The following CNTN1 variants were observed in gnomAD, a reference collection of about 807,000 sequenced individuals.
CNTN1 encodes the protein contactin-1.
In CNTN1, 38 loss-of-function variants were observed where a neutral mutation model predicts 126.4. The observed-to-expected ratio is 0.30, with a 90% CI of 0.23 to 0.39. The LOEUF (loss-of-function observed/expected upper bound fraction) is 0.39, where lower values mean the gene tolerates loss of function less well. Ranked by LOEUF, CNTN1 falls within the 10% of genes least tolerant of loss-of-function variation. The probability of loss-of-function intolerance (pLI) is 1.00; values close to 1 mark genes in which losing one functional copy is unlikely to be tolerated. For synonymous variants in CNTN1, 413 were observed against 422.6 expected, an observed-to-expected ratio of 0.98 and a Z score of 0.28; for missense variants, 1,009 against 1,248.4, an observed-to-expected ratio of 0.81 and a Z score of 2.89.
chr12:40,889,161 G>A (rs1031192259), intron 1 of CNTN1, among the ~76,000 whole-genome samples: 1 of 152,190 alleles, frequency 6.6e-6, no homozygotes, highest in African/African-American at 2.4e-5. Flanking sequence ...ATTTATAGTG[G>A]GAGGGAGATT....
chr12:40,853,011 C>T (rs1378294857), intron 1 of CNTN1, among the ~76,000 whole-genome samples: 3 of 151,798 alleles, frequency 2.0e-5, no homozygotes, highest in Non-Finnish European at 4.4e-5. Context: ...TTCTCCATTG[C>T]GTTAACATAA....
At chr12:40,956,137 C>T (rs1446025180) in intron 14 of CNTN1, among the ~76,000 whole-genome samples, 1 of 152,028 alleles carries the variant, frequency 6.6e-6, no homozygotes, top group African/African-American at 2.4e-5. Context: ...TACATATTAT[C>T]TTAAGAGCAG....
chr12:40,875,587 G>A (rs11613124), intron 1 of CNTN1, among the ~76,000 whole-genome samples: 4,905 of 152,054 alleles, frequency 0.032, 143 homozygotes, highest in African/African-American at 0.083. Context: ...CACAGTGTGG[G>A]ATCCCATTAT....
intron 1 of CNTN1, among the ~76,000 whole-genome samples, chr12:40,852,848 T>G (rs1289346503): frequency 6.6e-6 from 1 of 151,940 alleles, no homozygotes; most frequent in African/African-American, 2.4e-5. Context: ...ATTTATTTTT[T>G]AAGTCACTCA....
At chr12:40,816,090 G>A (rs1413317367) in intron 1 of CNTN1, among the ~76,000 whole-genome samples, 1 of 152,158 alleles carries the variant, frequency 6.6e-6, no homozygotes, top group Non-Finnish European at 1.5e-5. Context: ...ATGTTCATCA[G>A]GGATACTGGC....
intron 1 of CNTN1, among the ~76,000 whole-genome samples, chr12:40,710,256 G>T (rs1000185412): frequency 2.6e-5 from 4 of 152,110 alleles, no homozygotes; most frequent in Non-Finnish European, 4.4e-5. Flanking sequence ...GAATGGGAAG[G>T]CCTGAGGAGA....
chr12:40,836,604 C>T (rs1837281066), intron 1 of CNTN1, among the ~76,000 whole-genome samples: 1 of 151,884 alleles, frequency 6.6e-6, no homozygotes, highest in Non-Finnish European at 1.5e-5. Context: ...TGGGCTCTAA[C>T]CAAAATCAGG....
chr12:40,749,140 C>CT (rs1485210121), intron 1 of CNTN1, among the ~76,000 whole-genome samples: 2 of 152,012 alleles, frequency 1.3e-5, no homozygotes, highest in Non-Finnish European at 2.9e-5. Flanking sequence ...CCCTGGAATT[C>CT]TTTTTCATTT....
At chr12:40,978,252 A>G (rs1947733602) in intron 15 of CNTN1, among the ~76,000 whole-genome samples, 1 of 152,092 alleles carries the variant, frequency 6.6e-6, no homozygotes, top group Non-Finnish European at 1.5e-5. Flanking sequence ...CTGTTTTTTA[A>G]TACAATTATG....
chr12:40,891,481 C>G (rs914941966), intron 1 of CNTN1, among the ~76,000 whole-genome samples: 9 of 152,138 alleles, frequency 5.9e-5, no homozygotes, highest in African/African-American at 2.2e-4. Context: ...TACCTACTTT[C>G]TCCTAGGTTA....
intron 1 of CNTN1, among the ~76,000 whole-genome samples, chr12:40,859,144 A>G (rs1043493307): frequency 1.3e-5 from 2 of 152,136 alleles, no homozygotes; most frequent in Admixed American, 1.3e-4. Flanking sequence ...AAATAAATAT[A>G]AAAAATTTAA....
intron 10 of CNTN1, among the ~76,000 whole-genome samples, chr12:40,937,138 T>C (rs1455257154): frequency 2.0e-5 from 3 of 152,090 alleles, no homozygotes; most frequent in Non-Finnish European, 2.9e-5. Context: ...TTTTTTTCCT[T>C]TGTTCCACTT....
chr12:40,864,854 G>C (rs1383358300), intron 1 of CNTN1, among the ~76,000 whole-genome samples: 2 of 152,148 alleles, frequency 1.3e-5, no homozygotes, highest in Non-Finnish European at 2.9e-5. Flanking sequence ...TACAATTAAG[G>C]GTGGAATTGC....
chr12:41,025,698 A>G (rs1039878272), intron 21 of CNTN1, among the ~76,000 whole-genome samples: 3 of 152,194 alleles, frequency 2.0e-5, no homozygotes, highest in African/African-American at 7.2e-5. Context: ...GCTTATTTTT[A>G]CATGCTTTAA....
At chr12:40,896,695 A>G (rs914012475) in intron 1 of CNTN1, among the ~76,000 whole-genome samples, 5 of 152,158 alleles carry the variant, frequency 3.3e-5, no homozygotes, top group South Asian at 4.1e-4. Context: ...TTGTCCTCAA[A>G]TATATTTTTT....
At position 40,866,770 on chromosome 12, in the gene CNTN1, A is replaced by G. The variant is rs562556642; in HGVS notation, c.-76-41587A>G. On this transcript the variant is annotated intron_variant, in intron 1 of 23. Coordinates refer to ENST00000551295, the MANE Select transcript of CNTN1 (RefSeq NM_001843.4). ...ATCTCACTCACCTGTTTATTTTTTT[A>G]TATATTTTACATTGATAACTAGATG... Among the ~76,000 whole-genome samples the G allele has an allele frequency of 2.3e-4, 35 of 152,114 alleles. No individual in the cohort carries two copies. In the South Asian group the frequency reaches 6.2e-3, roughly 27 times the overall value.
chr12:40,991,135 G>T (rs1365334433), intron 16 of CNTN1, among the ~76,000 whole-genome samples: 1 of 152,176 alleles, frequency 6.6e-6, no homozygotes, highest in Non-Finnish European at 1.5e-5. Flanking sequence ...TGGCAGGGCT[G>T]CATCCTCTCC....
chr12:40,998,387 A>C (rs562185527), intron 17 of CNTN1, among the ~76,000 whole-genome samples: 3 of 152,264 alleles, frequency 2.0e-5, no homozygotes, highest in Admixed American at 6.5e-5. Flanking sequence ...TGTGCAACTA[A>C]AAACTCATTC....
rs1372872628 is a variant in CNTN1, at chr12:41,072,318, A to AT, written c.*2289dup. 2 of 152,102 alleles carry AT rather than the reference A, an allele frequency of 1.3e-5. No individual in the cohort carries two copies. The highest frequency in any genetic ancestry group is 2.9e-5 in the Non-Finnish European group (2 of 68,004). The allele number at this position is 152,102 out of a possible 1,614,324, so 9.4% of individuals were successfully genotyped here. A position where few individuals can be genotyped will look rare whatever the true frequency, so the allele number is the denominator to read the frequency against. On this transcript the variant is annotated 3_prime_UTR_variant, in exon 24 of 24. Transcript: ENST00000551295. The stretch of plus-strand genomic sequence containing the variant: ...ATTGATTTTTTAGTTATTTTTTATC[A>AT]TTTTTTCAATGGAGTAGTATAGGAC...
Sources: gnomAD v4.1 joint callset for allele counts (sites outside exome capture counted in the v4.1 genomes callset) on GRCh38, gnomAD v4.1.1 for gene constraint, MANE v1.5 for transcripts, NCBI Gene and HGNC (gene_info 2026-07-23, HGNC 2026-07-21) for gene names.